The following IL1RAPL2 variants were observed in gnomAD, a reference collection of about 807,000 sequenced individuals.
IL1RAPL2 encodes X-linked interleukin-1 receptor accessory protein-like 2.
Under a neutral mutation model 44.1 loss-of-function variants are expected in IL1RAPL2, and 3 were observed. The ratio of observed to expected loss-of-function variants is 0.07; its 90% CI spans 0.03 to 0.18. IL1RAPL2 has a LOEUF of 0.18. IL1RAPL2 is among the 10% of genes least tolerant of loss of function. The pLI, the probability that IL1RAPL2 is intolerant of heterozygous loss-of-function variation, is 1.00. For missense variants in IL1RAPL2, 391 were observed against 496.4 expected, an observed-to-expected ratio of 0.79 and a Z score of 2.02; for synonymous variants, 181 against 178.8, an observed-to-expected ratio of 1.01 and a Z score of -0.10.
intron 2 of IL1RAPL2, among the ~76,000 whole-genome samples, chrX:104,843,969 C>G (rs1015783486): frequency 7.2e-5 from 8 of 110,820 alleles, no homozygotes; most frequent in Admixed American, 3.9e-4. Context: ...AAGCTATAAT[C>G]TGGCTTTGAC....
chrX:104,646,745 C>T (rs1054249128), intron 1 of IL1RAPL2, among the ~76,000 whole-genome samples: 3 of 111,027 alleles, frequency 2.7e-5, no homozygotes, highest in Non-Finnish European at 3.8e-5. Flanking sequence ...CTGTGGAAGG[C>T]GTCACATTGA....
chrX:105,566,593 A>G (rs1016146836), intron 6 of IL1RAPL2, among the ~76,000 whole-genome samples: 3 of 111,838 alleles, frequency 2.7e-5, no homozygotes, highest in African/African-American at 9.7e-5. Context: ...CTGAAAACCC[A>G]CACAGCCTGA....
chrX:104,703,258 C>T (rs1931308676), intron 2 of IL1RAPL2, among the ~76,000 whole-genome samples: 1 of 111,043 alleles, frequency 9.0e-6, no homozygotes, highest in Non-Finnish European at 1.9e-5. Context: ...ATTAATCTGC[C>T]ATCCATAGGA....
At chrX:104,608,637 T>C (rs765564137) in intron 1 of IL1RAPL2, among the ~76,000 whole-genome samples, 2 of 107,817 alleles carry the variant, frequency 1.9e-5, no homozygotes, top group East Asian at 5.9e-4. Context: ...GTCTGTTTTT[T>C]TAGAGACTAG....
chrX:104,596,908 A>G (rs891645734), intron 1 of IL1RAPL2, among the ~76,000 whole-genome samples: 1 of 111,371 alleles, frequency 9.0e-6, no homozygotes, highest in Non-Finnish European at 1.9e-5. Context: ...GGTGAGTGAG[A>G]GAGAGGCAGG....
Position 105,755,329 on chromosome X carries a change from G to T in IL1RAPL2, c.1345G>T (p.Asp449Tyr), listed in dbSNP as rs773209977. ...ATATAAACTCTTCATCCCAGAAAGA[G>T]ACCTGATTCCAAGTGGAAGTAAGTA... ...YGYKLFIPER[D>Y]LIPSGTYMED... The change falls in exon 10 of 11, where the codon GAC (aspartate) becomes TAC (tyrosine). Residue 449 changes from aspartate (D) to tyrosine (Y), a missense_variant. This residue lies in a region of IL1RAPL2 where 232 missense variants were observed against 244.8 expected (regional missense o/e 0.95). Coordinates refer to ENST00000372582, the MANE Select transcript of IL1RAPL2 (RefSeq NM_017416.2). 2 of 1,194,809 alleles carry T rather than the reference G, an allele frequency of 1.7e-6. No homozygotes were observed. Among genetic ancestry groups the T allele is most frequent in the African/African-American group, 3.5e-5 (2 of 57,388 alleles).
intron 2 of IL1RAPL2, among the ~76,000 whole-genome samples, chrX:105,078,733 G>T (rs1311273880): frequency 1.9e-5 from 2 of 103,505 alleles, no homozygotes; most frequent in African/African-American, 3.5e-5. Flanking sequence ...TGAGCAATGC[G>T]GTCGCCCCTC....
intron 7 of IL1RAPL2, among the ~76,000 whole-genome samples, chrX:105,733,178 A>G (rs1360250212): frequency 1.8e-5 from 2 of 111,461 alleles, no homozygotes; most frequent in Non-Finnish European, 3.8e-5. Context: ...AACACTTTAA[A>G]TATTTCACCC....
intron 2 of IL1RAPL2, among the ~76,000 whole-genome samples, chrX:104,897,609 T>G (rs955276148): frequency 1.8e-5 from 2 of 112,485 alleles, no homozygotes; most frequent in African/African-American, 6.5e-5. Context: ...CTATAAAAGT[T>G]ATGCAGGATA....
chrX:104,630,316 T>A (rs1929612741), intron 1 of IL1RAPL2, among the ~76,000 whole-genome samples: 2 of 110,643 alleles, frequency 1.8e-5, no homozygotes, highest in Admixed American at 1.9e-4. Context: ...CCCAGCTAAT[T>A]TTTTGTATTT....
chrX:104,826,897 T>A (rs1921464220), intron 2 of IL1RAPL2, among the ~76,000 whole-genome samples: 1 of 107,994 alleles, frequency 9.3e-6, no homozygotes, highest in Non-Finnish European at 1.9e-5. Flanking sequence ...TCTTTGTTGG[T>A]TGAAAGTCTG....
chrX:104,588,440 G>A (rs1413479710), intron 1 of IL1RAPL2, among the ~76,000 whole-genome samples: 1 of 111,397 alleles, frequency 9.0e-6, no homozygotes, highest in Non-Finnish European at 1.9e-5. Flanking sequence ...AATAGGGAAA[G>A]AACATTCTTG....
At chrX:104,967,124 C>T (rs1235325717) in intron 2 of IL1RAPL2, among the ~76,000 whole-genome samples, 1 of 111,584 alleles carries the variant, frequency 9.0e-6, no homozygotes, top group Non-Finnish European at 1.9e-5. Context: ...TTCTCAAGAA[C>T]ATATGGGATA....
chrX:105,728,567 G>T (rs1037757031), intron 7 of IL1RAPL2, among the ~76,000 whole-genome samples: 9 of 111,306 alleles, frequency 8.1e-5, no homozygotes, highest in African/African-American at 2.3e-4. Flanking sequence ...TTACAAAGAA[G>T]TTAACAGATA....
At chrX:105,619,188 C>A (rs2037401783) in intron 6 of IL1RAPL2, among the ~76,000 whole-genome samples, 1 of 106,677 alleles carries the variant, frequency 9.4e-6, no homozygotes. Flanking sequence ...TTAAATACAG[C>A]AGTTCTCTGA....
At chrX:105,073,352 T>A (rs1389924903) in intron 2 of IL1RAPL2, among the ~76,000 whole-genome samples, 2 of 107,261 alleles carry the variant, frequency 1.9e-5, no homozygotes, top group Non-Finnish European at 3.8e-5. Context: ...GCTTCATCCG[T>A]GTCCCTACAA....
rs374863246 is a variant in IL1RAPL2, at chrX:105,219,070, C to T, written c.357-14748C>T. The T allele has an allele frequency of 1.0e-4, 122 of 1,208,498 alleles. No homozygotes were observed. In the African/African-American group the frequency reaches 2.0e-3, roughly 20 times the overall value. On this transcript the variant is annotated intron_variant, in intron 3 of 10. Coordinates refer to ENST00000372582, the MANE Select transcript of IL1RAPL2 (RefSeq NM_017416.2). ...AGGGCAGTCCCAGTCCCCTGGCCTG[C>T]GATATACTGGAGGTCTTTGCTGATG... is the stretch of plus-strand genomic sequence containing the variant.
chrX:104,951,005 C>T (rs1052894811), intron 2 of IL1RAPL2, among the ~76,000 whole-genome samples: 44 of 112,227 alleles, frequency 3.9e-4, no homozygotes, highest in Admixed American at 1.2e-3. Flanking sequence ...CTTGCGCTTC[C>T]CGAGTGAGGC....
chrX:105,734,489 C>T (rs1359889225), intron 7 of IL1RAPL2, among the ~76,000 whole-genome samples: 3 of 111,817 alleles, frequency 2.7e-5, no homozygotes, highest in Non-Finnish European at 5.6e-5. Context: ...AACTCTAACT[C>T]CAAGGTTCAA....
Sources: gnomAD v4.1 joint callset for allele counts (sites outside exome capture counted in the v4.1 genomes callset) on GRCh38, gnomAD v4.1.1 for gene constraint, gnomAD v4.1.1 regional missense constraint, MANE v1.5 for transcripts, NCBI Gene and HGNC (gene_info 2026-07-23, HGNC 2026-07-21) for gene names.